The following GLI2 variants were observed in gnomAD, a reference collection of about 807,000 sequenced individuals.
GLI2 encodes the protein transcription activator GLI2.
GLI2 carries 22 observed loss-of-function variants against 78.9 expected under a neutral mutation model. The observed-to-expected ratio is 0.28, with a 90% CI of 0.20 to 0.40. GLI2 has a LOEUF of 0.40. Ranked by LOEUF, GLI2 falls within the 10% of genes least tolerant of loss-of-function variation. The pLI is 1.00. For synonymous variants in GLI2, 974 were observed against 963.7 expected (o/e 1.01, Z -0.20); for missense variants, 2,097 against 2,213.2 (o/e 0.95, Z 1.05).
chr2:120,984,440 A>T (rs769186074), intron 11 of GLI2, 31 bp from the exon 12 acceptor site: 2 of 1,612,746 alleles, frequency 1.2e-6, no homozygotes, highest in Non-Finnish European at 1.7e-6. Context: ...TCGTACCCCT[A>T]TCCATGACAC....
At chr2:120,929,369 C>G in intron 3 of GLI2, among the ~76,000 whole-genome samples, 1 of 152,188 alleles carries the variant, frequency 6.6e-6, no homozygotes. Context: ...TATCCTGTTT[C>G]TTATCATATT....
At chr2:120,906,138 T>TG (rs1678520257) in intron 2 of GLI2, among the ~76,000 whole-genome samples, 2 of 152,140 alleles carry the variant, frequency 1.3e-5, no homozygotes, top group African/African-American at 4.8e-5. Context: ...GGCAGCACGG[T>TG]GCGGGGCAGG....
intron 10 of GLI2, among the ~76,000 whole-genome samples, chr2:120,982,449 GA>G (rs1682756480): frequency 6.6e-6 from 1 of 152,228 alleles, no homozygotes; most frequent in South Asian, 2.1e-4. Context: ...AAGACATGTG[GA>G]GATGAATTGC....
At chr2:120,828,880 T>G (rs369321881) in intron 2 of GLI2, among the ~76,000 whole-genome samples, 1 of 42,988 alleles carries the variant, frequency 2.3e-5, no homozygotes, top group Admixed American at 2.1e-4. Context: ...AAAAAAAAGA[T>G]CATCCACAGC....
intron 2 of GLI2, among the ~76,000 whole-genome samples, chr2:120,824,176 T>C (rs1397379669): frequency 1.3e-5 from 2 of 152,172 alleles, no homozygotes; most frequent in Non-Finnish European, 1.5e-5. Flanking sequence ...TCGGAGAAGC[T>C]AAGTCACTTA....
At position 120,982,892 on chromosome 2, in the gene GLI2, G is replaced by A. The variant is rs1389158787; in HGVS notation, c.1632+12G>A. On this transcript the variant is annotated intron_variant, in intron 11 of 13. Coordinates refer to ENST00000361492, the MANE Select transcript of GLI2 (RefSeq NM_001374353.1). ...CCCACTCCAACGAGGTACCTCTGCG[G>A]GGCATGCACTGGGCATGCACACTGG... 4.3e-6 allele frequency: 7 copies of A among 1,612,742 alleles called. No individual in the cohort carries two copies. Among genetic ancestry groups the A allele is most frequent in the African/African-American group, 1.3e-5 (1 of 74,918 alleles).
chr2:120,925,457 A>G (rs551851061), intron 2 of GLI2, among the ~76,000 whole-genome samples: 1 of 152,376 alleles, frequency 6.6e-6, no homozygotes, highest in East Asian at 1.9e-4. Context: ...GGTCTATCCA[A>G]TACAATAGAT....
chr2:120,835,385 CTTT>C (rs544747953), intron 2 of GLI2, among the ~76,000 whole-genome samples: 1 of 132,388 alleles, frequency 7.6e-6, no homozygotes, highest in African/African-American at 2.9e-5. Context: ...AGGCACCAGA[CTTT>C]TTTTTTTTTT....
At chr2:120,940,379 C>T (rs1680395828) in intron 3 of GLI2, among the ~76,000 whole-genome samples, 1 of 152,148 alleles carries the variant, frequency 6.6e-6, no homozygotes, top group Non-Finnish European at 1.5e-5. Flanking sequence ...AGTGGTTGTT[C>T]CCCAATACAA....
intron 1 of GLI2, among the ~76,000 whole-genome samples, chr2:120,746,273 TC>T (rs1682690082): frequency 6.6e-6 from 1 of 152,244 alleles, no homozygotes; most frequent in African/African-American, 2.4e-5. Flanking sequence ...GAAGTCCTGT[TC>T]TCATGCTTAC....
intron 1 of GLI2, among the ~76,000 whole-genome samples, chr2:120,792,965 C>A (rs1482020076): frequency 6.6e-6 from 1 of 152,178 alleles, no homozygotes; most frequent in African/African-American, 2.4e-5. Context: ...TTATGAGCAC[C>A]CCGTTCGGTT....
intron 2 of GLI2, among the ~76,000 whole-genome samples, chr2:120,865,533 G>A (rs1254899054): frequency 6.6e-6 from 1 of 152,190 alleles, no homozygotes; most frequent in East Asian, 1.9e-4. Context: ...CCTTTGCGGT[G>A]CCCTTGGAGG....
At chr2:120,879,868 G>A (rs753610465) in intron 2 of GLI2, among the ~76,000 whole-genome samples, 4 of 152,210 alleles carry the variant, frequency 2.6e-5, no homozygotes, top group African/African-American at 4.8e-5. Flanking sequence ...AGAGAAGCCA[G>A]CCAGTCATTT....
intron 5 of GLI2, among the ~76,000 whole-genome samples, chr2:120,958,553 C>T (rs963548399): frequency 2.6e-5 from 4 of 152,144 alleles, no homozygotes; most frequent in African/African-American, 9.7e-5. Flanking sequence ...CATCTTTATC[C>T]TCTCCGCCAT....
Position 120,989,750 on chromosome 2 carries a change from A to C in GLI2, c.3785A>C (p.His1262Pro), listed in dbSNP as rs1173839344. ...AGCAACATGCCAGCCAAGCCAGGGC[A>C]TCTGGGGCACCCTCAGCAGACAGAA... The part of the protein sequence containing the change: ...SCSNMPAKPG[H>P]LGHPQQTEVA... The change falls in exon 14 of 14, where the codon CAT becomes CCT. Residue 1262 changes from histidine to proline, a missense_variant. Around this residue, in one of 5 missense-constraint regions of GLI2, gnomAD observed 1,290 missense variants for 1,261.7 expected, o/e 1.02. Coordinates refer to ENST00000361492, the MANE Select transcript of GLI2 (RefSeq NM_001374353.1). 2 of 1,612,858 alleles carry C rather than the reference A, an allele frequency of 1.2e-6. No homozygotes were observed. Among genetic ancestry groups the C allele is most frequent in the South Asian group, 2.2e-5 (2 of 91,026 alleles).
rs1573570091 is a variant in GLI2, at chr2:120,903,368, T to C, written c.149-23993T>C. 2.0e-5 allele frequency among the ~76,000 whole-genome samples: 3 copies of C among 151,506 alleles called. No homozygotes were observed. The South Asian group carries it at 6.3e-4, about 32-fold the overall frequency. ...GAGACTCCATCTCAAAAAAAAAAAATTGCAATTCAGACAGTTTCTTTAAAC... is the reference window on the plus strand; with the variant it reads ...GAGACTCCATCTCAAAAAAAAAAAACTGCAATTCAGACAGTTTCTTTAAAC... On this transcript the variant is annotated intron_variant, in intron 2 of 13. Coordinates refer to ENST00000361492, the MANE Select transcript of GLI2 (RefSeq NM_001374353.1).
chr2:120,990,480 G>C lies in GLI2; in HGVS notation c.4515G>C (p.Ser1505=). Residue 1505 remains serine (S), a synonymous_variant, in exon 14 of 14, where the codon TCG becomes TCC. Transcript: ENST00000361492. ...CCATCATGGATGATGGCGATCACTC[G>C]AGTTTGTTCTCGGGTGCTCTGAGCC... ...FDAIMDDGDH[S]SLFSGALSPS... is the part of the protein sequence containing the mutation. The C allele has an allele frequency of 6.2e-7, 1 of 1,613,858 alleles. No individual in the cohort carries two copies. The highest frequency in any genetic ancestry group is 8.5e-7 in the Non-Finnish European group (1 of 1,179,942).
In GLI2 at chr2:120,990,303, CG is replaced by C; in HGVS notation, c.4341del (p.Ser1448AlafsTer65). ...AACAGGATGGAGGCCTGGAGAACCT[CG>C]GGAGCTGCCAGGTCATGCGGTCCCA... The part of the protein sequence containing the change: ...YEQDGGLENL[G>X]SCQVMRSQPP... On this transcript the variant is annotated frameshift_variant, in exon 14 of 14. Coordinates refer to ENST00000361492, the MANE Select transcript of GLI2 (RefSeq NM_001374353.1). LOFTEE classifies it high-confidence loss of function. The C allele has an allele frequency of 6.2e-7, 1 of 1,613,688 alleles. No individual in the cohort carries two copies. Among genetic ancestry groups the C allele is most frequent in the Non-Finnish European group, 8.5e-7 (1 of 1,180,016 alleles).
Position 120,968,800 on chromosome 2 carries a change from G to T in GLI2, c.730G>T (p.Asp244Tyr). Residue 244 changes from aspartate (D) to tyrosine (Y), a missense_variant, in exon 6 of 14, where the codon GAC (aspartate) becomes TAC (tyrosine). Physicochemically the swap from Asp to Tyr is radical, Grantham distance 160. Coordinates refer to ENST00000361492, the MANE Select transcript of GLI2 (RefSeq NM_001374353.1). ...SISPLSDASL[D>Y]LQRMIRTSPN... ...CTCCCCACTCTCAGACGCCAGCCTGGACCTGCAGCGGATGATCCGCACCTC... is the reference window on the plus strand; with the variant it reads ...CTCCCCACTCTCAGACGCCAGCCTGTACCTGCAGCGGATGATCCGCACCTC... 6.2e-7 allele frequency: 1 copy of T among 1,613,774 alleles called. No homozygotes were observed. The highest frequency in any genetic ancestry group is 2.2e-5 in the East Asian group (1 of 44,870).
Sources: allele counts gnomAD v4.1 joint callset (sites outside exome capture counted in the v4.1 genomes callset), GRCh38; gene constraint gnomAD v4.1.1; regional missense constraint gnomAD v4.1.1; transcripts MANE v1.5; gene names NCBI Gene and HGNC (gene_info 2026-07-23, HGNC 2026-07-21).